BANK1: variants seen among roughly 807,000 people sequenced by gnomAD.
BANK1 encodes the protein B-cell scaffold protein with ankyrin repeats.
Under a neutral mutation model 94.5 loss-of-function variants are expected in BANK1, and 95 were observed. That is an observed-to-expected ratio of 1.00 (90% CI 0.85 to 1.19). BANK1 has a LOEUF of 1.19. Ranked by LOEUF, BANK1 falls within the 50% of genes most tolerant of loss-of-function variation. The pLI is 0.00. For missense variants in BANK1, 987 were observed against 932.2 expected, an observed-to-expected ratio of 1.06 and a Z score of -0.77; for synonymous variants, 334 against 308.4, an observed-to-expected ratio of 1.08 and a Z score of -0.87.
At chr4:101,982,542 T>C (rs900647072) in intron 7 of BANK1, among the ~76,000 whole-genome samples, 2 of 152,070 alleles carry the variant, frequency 1.3e-5, no homozygotes, top group Non-Finnish European at 2.9e-5. Context: ...TATTAGATTC[T>C]CTTTAACACA....
chr4:102,071,885 T>A (rs1728774031), intron 14 of BANK1, among the ~76,000 whole-genome samples: 1 of 152,084 alleles, frequency 6.6e-6, no homozygotes, highest in South Asian at 2.1e-4. Flanking sequence ...ACTGTGAGAA[T>A]GAAGAAGCCA....
At chr4:101,856,867 A>C (rs1727698650) in intron 3 of BANK1, among the ~76,000 whole-genome samples, 1 of 152,182 alleles carries the variant, frequency 6.6e-6, no homozygotes, top group South Asian at 2.1e-4. Context: ...AAGGTTATAC[A>C]AAGTTATTTT....
At chr4:101,931,688 C>G (rs1723349627) in intron 7 of BANK1, among the ~76,000 whole-genome samples, 1 of 151,564 alleles carries the variant, frequency 6.6e-6, no homozygotes, top group Admixed American at 6.6e-5. Context: ...GATTTTAAAT[C>G]TCTATGACAT....
chr4:102,066,413 C>T (rs1728595592), intron 13 of BANK1, among the ~76,000 whole-genome samples: 2 of 152,214 alleles, frequency 1.3e-5, no homozygotes, highest in South Asian at 4.1e-4. Context: ...CCCGCCACTA[C>T]GCCCGGCTAA....
In BANK1 at chr4:101,918,009, A is replaced by G; in HGVS notation, c.1026A>G (p.Glu342=). Reference sequence around the variant, plus strand: ...TGCTTACAGATACTCATTTCAAAGAACTTCCAACTCTTCTCCACTGTGCAG... The same window carrying G: ...TGCTTACAGATACTCATTTCAAAGAGCTTCCAACTCTTCTCCACTGTGCAG... ...CSQNKYTHFK[E]LPTLLHCAAK... is the part of the protein sequence containing the mutation. The change falls in exon 7 of 17, where the codon GAA becomes GAG. Residue 342 remains glutamate, a synonymous_variant. Coordinates refer to ENST00000322953, the MANE Select transcript of BANK1 (RefSeq NM_017935.5). 3.7e-6 allele frequency: 6 copies of G among 1,605,978 alleles called. No homozygotes were observed. Among genetic ancestry groups the G allele is most frequent in the Non-Finnish European group, 5.1e-6 (6 of 1,174,538 alleles).
chr4:101,905,513 A>G (rs1280897785), intron 6 of BANK1, among the ~76,000 whole-genome samples: 1 of 152,192 alleles, frequency 6.6e-6, no homozygotes. Context: ...CATTGTGGAC[A>G]TATTTCAGGA....
intron 7 of BANK1, among the ~76,000 whole-genome samples, chr4:101,991,623 C>T (rs1725709302): frequency 6.6e-6 from 1 of 152,182 alleles, no homozygotes. Context: ...CCTTGTGGAA[C>T]TGTATCTAAT....
intron 6 of BANK1, among the ~76,000 whole-genome samples, chr4:101,909,877 C>G (rs1225313349): frequency 6.6e-6 from 1 of 152,132 alleles, no homozygotes; most frequent in Non-Finnish European, 1.5e-5. Flanking sequence ...ATAGTCTTTT[C>G]CATTTACTCT....
chr4:101,860,465 C>G (rs1389556152), intron 3 of BANK1, among the ~76,000 whole-genome samples: 1 of 152,002 alleles, frequency 6.6e-6, no homozygotes, highest in East Asian at 1.9e-4. Context: ...GAGACTTGCT[C>G]TGTCGCCCAG....
chr4:102,020,357 A>G (rs928135228), intron 7 of BANK1, among the ~76,000 whole-genome samples: 1 of 152,156 alleles, frequency 6.6e-6, no homozygotes, highest in African/African-American at 2.4e-5. Flanking sequence ...TACTAAAACT[A>G]CACAATTTTT....
chr4:101,813,875 GA>G (rs1244824370), intron 1 of BANK1: 2 of 985,320 alleles, frequency 2.0e-6, no homozygotes, highest in African/African-American at 3.5e-5. Context: ...GAGGGTGGGG[GA>G]CTACTTGCTT....
chr4:101,906,005 C>A (rs562433677), intron 6 of BANK1, among the ~76,000 whole-genome samples: 1 of 152,330 alleles, frequency 6.6e-6, no homozygotes, highest in South Asian at 2.1e-4. Context: ...CATCATCCTG[C>A]ATGACCAATT....
In BANK1 at chr4:101,818,075, A is replaced by G. The variant is rs148112961; in HGVS notation, c.71-11733A>G. On this transcript the variant is annotated intron_variant, in intron 1 of 16. Coordinates refer to ENST00000322953, the MANE Select transcript of BANK1 (RefSeq NM_017935.5). ...CAACTAGAGCATTTGCTCTTTTGCTATGAGCAAGTTTATTTAATCAATTTT... is the reference window on the plus strand; with the variant it reads ...CAACTAGAGCATTTGCTCTTTTGCTGTGAGCAAGTTTATTTAATCAATTTT... Among the ~76,000 whole-genome samples the G allele has an allele frequency of 3.3e-3, 503 of 152,298 alleles. 3 individuals are homozygous for G. Among genetic ancestry groups the G allele is most frequent in the African/African-American group, 0.011 (477 of 41,570 alleles).
At chr4:102,059,399 AAT>A (rs1728339177) in intron 11 of BANK1, among the ~76,000 whole-genome samples, 1 of 152,238 alleles carries the variant, frequency 6.6e-6, no homozygotes, top group African/African-American at 2.4e-5. Flanking sequence ...TACAAACTCA[AAT>A]GAGTTCCAGC....
chr4:101,841,298 C>T (rs1034527266), intron 2 of BANK1, among the ~76,000 whole-genome samples: 1 of 152,082 alleles, frequency 6.6e-6, no homozygotes, highest in African/African-American at 2.4e-5. Flanking sequence ...TGGCATATTT[C>T]ATTCCATATA....
chr4:101,790,869 T>C lies in BANK1; in HGVS notation c.-12T>C, dbSNP rs2148846187. The stretch of plus-strand genomic sequence containing the variant: ...GCAGCAGTGCGCAGGCCCCTCGGCT[T>C]CAACCGCCACAATGCTGCCAGCAGC... On this transcript the variant is annotated 5_prime_UTR_variant, in exon 1 of 17. Coordinates refer to ENST00000322953, the MANE Select transcript of BANK1 (RefSeq NM_017935.5). 6.5e-7 allele frequency: 1 copy of C among 1,536,842 alleles called. No homozygotes were observed. The highest frequency in any genetic ancestry group is 8.7e-7 in the Non-Finnish European group (1 of 1,145,832).
chr4:101,928,864 G>A (rs1221151653), intron 7 of BANK1, among the ~76,000 whole-genome samples: 2 of 151,606 alleles, frequency 1.3e-5, no homozygotes, highest in Admixed American at 1.3e-4. Flanking sequence ...TGCCAGATTG[G>A]GTTAGAAACT....
Position 102,068,688 on chromosome 4 carries a change from C to T in BANK1, c.2213-2587C>T, listed in dbSNP as rs140539261. On this transcript the variant is annotated intron_variant, in intron 13 of 16. Transcript: ENST00000322953. ...ATAAAAATACAAAAAATTAGCGAGG[C>T]GTGGTGGCATGCACCTGTAATCCCA... 1.6e-3 allele frequency among the ~76,000 whole-genome samples: 242 copies of T among 152,024 alleles called. 1 individual carries two copies. Among genetic ancestry groups the T allele is most frequent in the African/African-American group, 5.6e-3 (234 of 41,502 alleles).
intron 2 of BANK1, among the ~76,000 whole-genome samples, chr4:101,833,019 G>A (rs577013466): frequency 1.3e-5 from 2 of 149,382 alleles, no homozygotes; most frequent in Non-Finnish European, 3.0e-5. Flanking sequence ...TGCTCTTGTT[G>A]CCCAGGCTGG....
Sources: allele counts gnomAD v4.1 joint callset (sites outside exome capture counted in the v4.1 genomes callset), GRCh38; gene constraint gnomAD v4.1.1; transcripts MANE v1.5; gene names NCBI Gene and HGNC (gene_info 2026-07-23, HGNC 2026-07-21).